The following ZBTB40 variants were observed in gnomAD, a reference collection of about 807,000 sequenced individuals.
ZBTB40 encodes the protein zinc finger and BTB domain-containing protein 40.
A neutral mutation model predicts 117.5 loss-of-function variants in ZBTB40; 60 were observed. The observed-to-expected ratio is 0.51, with a 90% CI of 0.41 to 0.63. ZBTB40 has a LOEUF of 0.63. Ranked by LOEUF, ZBTB40 falls within the 30% of genes least tolerant of loss-of-function variation. The probability of loss-of-function intolerance (pLI) is 0.00; values close to 1 mark genes in which losing one functional copy is unlikely to be tolerated. For missense variants in ZBTB40, 1,287 were observed against 1,498.5 expected, an observed-to-expected ratio of 0.86 and a Z score of 2.33; for synonymous variants, 525 against 577.1, an observed-to-expected ratio of 0.91 and a Z score of 1.29.
chr1:22,489,878 A>G lies in ZBTB40; in HGVS notation c.-69-2A>G. ...AACCTGGTATTTTGTGGGTTTCTCT[A>G]GGGCCTGTCCTCCCAAAGCCAACTC... On this transcript the variant is annotated splice_acceptor_variant, in intron 1 of 17. Transcript: ENST00000375647. LOFTEE classifies it low-confidence loss of function (5UTR_SPLICE). 1.4e-6 allele frequency: 2 copies of G among 1,477,510 alleles called. No individual in the cohort carries two copies. The highest frequency in any genetic ancestry group is 2.3e-5 in the South Asian group (2 of 88,368). The allele number at this position is 1,477,510 out of a possible 1,614,324, so 91.5% of individuals were successfully genotyped here. A position where few individuals can be genotyped will look rare whatever the true frequency, so the allele number is the denominator to read the frequency against.
rs1238936378 is a variant in ZBTB40 at position 22,527,101 on chromosome 1, T to A, written c.*705T>A. On this transcript the variant is annotated 3_prime_UTR_variant, in exon 18 of 18. Coordinates refer to ENST00000375647, the MANE Select transcript of ZBTB40 (RefSeq NM_014870.4). ...TGCTGGAAGTGTTTAATGTGAGGCATCAGCTGCTAGACAGTGTCTGCCTTT... is the reference window on the plus strand; with the variant it reads ...TGCTGGAAGTGTTTAATGTGAGGCAACAGCTGCTAGACAGTGTCTGCCTTT... The A allele has an allele frequency of 6.5e-6, 1 of 154,304 alleles. No individual in the cohort carries two copies. Among genetic ancestry groups the A allele is most frequent in the Non-Finnish European group, 1.4e-5 (1 of 69,376 alleles). The allele number at this position is 154,304 out of a possible 1,614,324, so 9.6% of individuals were successfully genotyped here. A position where few individuals can be genotyped will look rare whatever the true frequency, so the allele number is the denominator to read the frequency against.
Position 22,490,110 on chromosome 1 carries a change from T to C in ZBTB40, c.162T>C (p.Asp54=). 6.2e-7 allele frequency: 1 copy of C among 1,614,200 alleles called. No individual in the cohort carries two copies. Among genetic ancestry groups the C allele is most frequent in the Non-Finnish European group, 8.5e-7 (1 of 1,180,040 alleles). Residue 54 remains aspartate (D), a synonymous_variant, in exon 2 of 18, where the codon GAT becomes GAC. Transcript: ENST00000375647. ...AASLLFKTLL[D]NTDTISIDAS... Reference sequence around the variant, plus strand: ...GCCTCCTGTTCAAAACCCTGCTGGATAACACAGATACCATCTCCATCGATG... The same window carrying C: ...GCCTCCTGTTCAAAACCCTGCTGGACAACACAGATACCATCTCCATCGATG...
At chr1:22,467,236 T>G (rs375535820) in intron 1 of ZBTB40, among the ~76,000 whole-genome samples, 2 of 152,364 alleles carry the variant, frequency 1.3e-5, no homozygotes, top group African/African-American at 4.8e-5. Flanking sequence ...TCTGGAATTA[T>G]ACAGCTTGTA....
intron 1 of ZBTB40, among the ~76,000 whole-genome samples, chr1:22,464,409 A>G (rs1641205589): frequency 6.6e-6 from 1 of 152,182 alleles, no homozygotes; most frequent in South Asian, 2.1e-4. Context: ...TATCCAGTCC[A>G]TTGATTTGGG....
intron 1 of ZBTB40, among the ~76,000 whole-genome samples, chr1:22,445,515 A>G (rs1311527567): frequency 1.3e-5 from 2 of 152,104 alleles, no homozygotes; most frequent in Admixed American, 6.5e-5. Flanking sequence ...TACCCAGTAC[A>G]TTATGTTTGG....
intron 1 of ZBTB40, among the ~76,000 whole-genome samples, chr1:22,485,991 T>C (rs990056111): frequency 2.1e-5 from 3 of 145,388 alleles, no homozygotes; most frequent in African/African-American, 5.2e-5. Context: ...TTAATCATAG[T>C]CTTAAAAAAA....
At chr1:22,520,374 T>C in intron 14 of ZBTB40, 99 bp downstream of exon 14, 2 of 938,452 alleles carry the variant, frequency 2.1e-6, no homozygotes, top group Non-Finnish European at 3.3e-6. Flanking sequence ...AGATCATATC[T>C]TGTATCCAGG....
At chr1:22,446,840 C>T (rs1034773510) in intron 1 of ZBTB40, among the ~76,000 whole-genome samples, 4 of 152,070 alleles carry the variant, frequency 2.6e-5, no homozygotes, top group Non-Finnish European at 4.4e-5. Flanking sequence ...CGGTGGCTCA[C>T]GCCTGTAACC....
chr1:22,466,293 C>T (rs990397363), intron 1 of ZBTB40, among the ~76,000 whole-genome samples: 2 of 152,138 alleles, frequency 1.3e-5, no homozygotes, highest in Non-Finnish European at 2.9e-5. Flanking sequence ...AGTTGATGGA[C>T]ATTTAGGTTG....
chr1:22,434,137 A>G (rs926408419), intron 1 of ZBTB40, among the ~76,000 whole-genome samples: 11 of 152,146 alleles, frequency 7.2e-5, no homozygotes, highest in Non-Finnish European at 1.6e-4. Flanking sequence ...ATTTTTCCTA[A>G]TGAGTAGGTG....
intron 1 of ZBTB40, among the ~76,000 whole-genome samples, chr1:22,460,099 C>A (rs56303936): frequency 7.9e-5 from 12 of 152,284 alleles, no homozygotes; most frequent in Non-Finnish European, 1.8e-4. Context: ...ATATTGTTCC[C>A]TAAATCTCCT....
intron 1 of ZBTB40, among the ~76,000 whole-genome samples, chr1:22,441,606 C>G (rs980622368): frequency 6.6e-6 from 1 of 151,644 alleles, no homozygotes; most frequent in Non-Finnish European, 1.5e-5. Flanking sequence ...CCTCAGCCTC[C>G]CAAGTAGCTG....
Position 22,517,442 on chromosome 1 carries a change from C to A in ZBTB40, c.2811C>A (p.Ser937=). 1 of 1,614,068 alleles carries A rather than the reference C, an allele frequency of 6.2e-7. No homozygotes were observed. Among genetic ancestry groups the A allele is most frequent in the East Asian group, 2.2e-5 (1 of 44,876 alleles). Residue 937 remains serine (S), a synonymous_variant, in exon 13 of 18, where the codon TCC becomes TCA. Transcript: ENST00000375647. ...GKGFRQANGL[S]IHLHTFHNIE... ...GCTTCCGGCAAGCCAATGGCCTCTC[C>A]ATCCATCTGCACACCTTTCACAGTA... is the stretch of plus-strand genomic sequence containing the variant.
chr1:22,433,652 CCCCTGT>C, intron 1 of ZBTB40, among the ~76,000 whole-genome samples: 1 of 139,366 alleles, frequency 7.2e-6, no homozygotes, highest in African/African-American at 2.6e-5. Context: ...TCTAGGACTA[CCCCTGT>C]AGTCCTAGAA....
At chr1:22,456,816 G>A (rs1641014945) in intron 1 of ZBTB40, among the ~76,000 whole-genome samples, 1 of 152,208 alleles carries the variant, frequency 6.6e-6, no homozygotes, top group African/African-American at 2.4e-5. Context: ...AGACTGGTGA[G>A]ATGTGGACCT....
At chr1:22,522,505 C>A in intron 16 of ZBTB40, 42 bp downstream of exon 16, 1 of 1,587,534 alleles carries the variant, frequency 6.3e-7, no homozygotes, top group Non-Finnish European at 8.6e-7. Context: ...AGACTCGGGG[C>A]CTGAATCTCC....
At chr1:22,435,875 C>A (rs1217321046) in intron 1 of ZBTB40, among the ~76,000 whole-genome samples, 4 of 151,432 alleles carry the variant, frequency 2.6e-5, no homozygotes. Context: ...TAGAGACCAC[C>A]CTGGCCAACA....
intron 1 of ZBTB40, among the ~76,000 whole-genome samples, chr1:22,457,097 C>T (rs1275010092): frequency 6.7e-6 from 1 of 150,314 alleles, no homozygotes; most frequent in Non-Finnish European, 1.5e-5. Context: ...GATCAGACCA[C>T]TGCATTCCAG....
At chr1:22,492,219 C>T (rs1638651814) in intron 3 of ZBTB40, among the ~76,000 whole-genome samples, 1 of 152,164 alleles carries the variant, frequency 6.6e-6, no homozygotes, top group Admixed American at 6.6e-5. Flanking sequence ...AGAGCTGCTC[C>T]CTTACACACT....
Sources: gnomAD v4.1 joint callset for allele counts (sites outside exome capture counted in the v4.1 genomes callset) on GRCh38, gnomAD v4.1.1 for gene constraint, MANE v1.5 for transcripts, NCBI Gene and HGNC (gene_info 2026-07-23, HGNC 2026-07-21) for gene names.